The following PICALM variants were observed in gnomAD, a reference collection of about 807,000 sequenced individuals.
The protein encoded by PICALM is phosphatidylinositol binding clathrin assembly protein.
A neutral mutation model predicts 80.5 loss-of-function variants in PICALM; 40 were observed. The ratio of observed to expected loss-of-function variants is 0.50; its 90% CI spans 0.39 to 0.65. The LOEUF (loss-of-function observed/expected upper bound fraction) is 0.65, where lower values mean the gene tolerates loss of function less well. Among genes scored for constraint, PICALM ranks in the 30% least tolerant of loss-of-function variants. The pLI, the probability that PICALM is intolerant of heterozygous loss-of-function variation, is 0.00. For synonymous variants in PICALM, 288 were observed against 260.3 expected (o/e 1.11, Z -1.02); for missense variants, 676 against 778.9 (o/e 0.87, Z 1.57).
chr11:86,027,179 A>T (rs2095661489), intron 2 of PICALM, among the ~76,000 whole-genome samples: 1 of 152,188 alleles, frequency 6.6e-6, no homozygotes, highest in Admixed American at 6.5e-5. Flanking sequence ...TATTATTAAC[A>T]AAGTTGTATT....
intron 16 of PICALM, 68 bp from the exon 17 acceptor site, chr11:85,981,296 T>C (rs376533616): frequency 7.2e-6 from 7 of 966,132 alleles, no homozygotes; most frequent in Admixed American, 3.6e-5. Flanking sequence ...TATATACTTA[T>C]ATAGAACAGA....
In PICALM at chr11:86,049,267, A is replaced by G. The variant is rs148226331; in HGVS notation, c.131-17656T>C. 4.0e-3 allele frequency among the ~76,000 whole-genome samples: 614 copies of G among 152,306 alleles called. 5 individuals carry two copies. The highest frequency in any genetic ancestry group is 0.014 in the African/African-American group (586 of 41,564). On this transcript the variant is annotated intron_variant, in intron 1 of 19. Coordinates refer to ENST00000393346, the MANE Select transcript of PICALM (RefSeq NM_007166.4). ...CACTGCACTGCAGCCTGGGTGACAA[A>G]GCAAGACTGTCTCAAAAAAACAAAC...
At chr11:85,997,643 G>T (rs578155043) in intron 11 of PICALM, among the ~76,000 whole-genome samples, 18 of 152,268 alleles carry the variant, frequency 1.2e-4, no homozygotes, top group Middle Eastern at 3.4e-3. Context: ...GCTAATTTTT[G>T]TATTTTTAAT....
chr11:86,057,916 C>T (rs1375589165), intron 1 of PICALM, among the ~76,000 whole-genome samples: 2 of 152,140 alleles, frequency 1.3e-5, no homozygotes, highest in Non-Finnish European at 2.9e-5. Flanking sequence ...AACCAATCCC[C>T]TATAGATACT....
At chr11:85,987,306 C>T (rs2094602414) in intron 13 of PICALM, among the ~76,000 whole-genome samples, 1 of 152,234 alleles carries the variant, frequency 6.6e-6, no homozygotes, top group South Asian at 2.1e-4. Flanking sequence ...AGCATCAGAA[C>T]CAAGACTTGA....
At chr11:86,051,441 A>T (rs993266038) in intron 1 of PICALM, among the ~76,000 whole-genome samples, 5 of 152,110 alleles carry the variant, frequency 3.3e-5, no homozygotes, top group Admixed American at 6.6e-5. Flanking sequence ...TGGGCGGATC[A>T]CTTGAAGTCA....
chr11:85,960,088 TAA>T (rs1012901721), intron 19 of PICALM, among the ~76,000 whole-genome samples: 4 of 152,220 alleles, frequency 2.6e-5, no homozygotes, highest in Non-Finnish European at 5.9e-5. Flanking sequence ...AATATTATAC[TAA>T]GTCTTTTTAT....
At position 85,996,727 on chromosome 11, in the gene PICALM, C is replaced by A. The variant is rs563950921; in HGVS notation, c.1258+99G>T. On this transcript the variant is annotated intron_variant, in intron 12 of 19. Transcript: ENST00000393346. ...GCCATTTTAATACTTATCAAGTTCT[C>A]ATGTATCAAGTGTAATAAAAAACTA... The A allele has an allele frequency of 9.9e-4, 720 of 724,544 alleles. 1 individual carries two copies. The highest frequency in any genetic ancestry group is 1.2e-3 in the Non-Finnish European group (498 of 413,114). The allele number at this position is 724,544 out of a possible 1,614,324, so 44.9% of individuals were successfully genotyped here.
intron 1 of PICALM, among the ~76,000 whole-genome samples, chr11:86,045,890 G>A (rs887447556): frequency 1.1e-4 from 16 of 152,022 alleles, no homozygotes; most frequent in African/African-American, 2.7e-4. Context: ...GATGCCAAAC[G>A]ATCTTCAAAT....
intron 1 of PICALM, among the ~76,000 whole-genome samples, chr11:86,046,377 C>T (rs2096071900): frequency 6.6e-6 from 1 of 152,220 alleles, no homozygotes; most frequent in African/African-American, 2.4e-5. Flanking sequence ...TCCATTTCAA[C>T]ATTTAAAAAA....
chr11:85,960,789 G>T (rs767420959), intron 19 of PICALM: 22 of 1,201,498 alleles, frequency 1.8e-5, no homozygotes, highest in Non-Finnish European at 2.2e-5. Context: ...TGGGGGAAAA[G>T]AAGACAGAGA....
At chr11:86,052,277 G>T (rs12270433) in intron 1 of PICALM, among the ~76,000 whole-genome samples, 25,536 of 152,082 alleles carry the variant, frequency 0.17, 2,633 homozygotes, top group Middle Eastern at 0.24. Flanking sequence ...TGCCATAATT[G>T]TAAGTTTCCT....
Position 86,003,426 on chromosome 11 carries a change from A to G in PICALM, c.833T>C (p.Leu278Ser). Residue 278 changes from leucine (L) to serine (S), a missense_variant, in exon 9 of 20, where the codon TTG becomes TCG. By Grantham distance (145) the Leu-to-Ser change is moderately radical (BLOSUM62 -2). Coordinates refer to ENST00000393346, the MANE Select transcript of PICALM (RefSeq NM_007166.4). ...TTCCAAGGAAGCTAAATGTTGTTCC[A>G]AAGCATCAAGAAGACTGCTAGGGGC... is the stretch of plus-strand genomic sequence containing the variant. ...SQAPSSLLDA[L>S]EQHLASLEGK... 6.2e-7 allele frequency: 1 copy of G among 1,600,840 alleles called. No homozygotes were observed. Among genetic ancestry groups the G allele is most frequent in the Non-Finnish European group, 8.5e-7 (1 of 1,170,262 alleles).
chr11:86,036,593 T>C (rs777934682), intron 1 of PICALM, among the ~76,000 whole-genome samples: 2 of 152,160 alleles, frequency 1.3e-5, no homozygotes, highest in African/African-American at 2.4e-5. Context: ...TTTAGAACAA[T>C]ACTAATGAAG....
At chr11:85,960,344 AGT>A (rs1211005482) in intron 19 of PICALM, among the ~76,000 whole-genome samples, 2 of 152,228 alleles carry the variant, frequency 1.3e-5, no homozygotes, top group Non-Finnish European at 2.9e-5. Context: ...AAACAGAGGC[AGT>A]GTGGATCATA....
Position 86,043,266 on chromosome 11 carries a change from C to G in PICALM, c.131-11655G>C, listed in dbSNP as rs568595726. On this transcript the variant is annotated intron_variant, in intron 1 of 19. Transcript: ENST00000393346. ...TTAGCCTCCTTAAAACACAAACATG[C>G]TTCTATTCTGCCTACTTTGCCCTCT... is the stretch of plus-strand genomic sequence containing the variant. Among the ~76,000 whole-genome samples the G allele has an allele frequency of 2.6e-4, 40 of 152,314 alleles. 1 individual carries two copies. Among genetic ancestry groups the G allele is most frequent in the African/African-American group, 9.4e-4 (39 of 41,584 alleles).
intron 5 of PICALM, 118 bp from the exon 6 acceptor site, chr11:86,012,510 TAC>T: frequency 1.7e-6 from 1 of 596,102 alleles, no homozygotes. Context: ...TAGTGAAAAA[TAC>T]ATTTATTTTC....
chr11:86,048,275 T>G (rs1177671132), intron 1 of PICALM, among the ~76,000 whole-genome samples: 1 of 152,184 alleles, frequency 6.6e-6, no homozygotes, highest in East Asian at 1.9e-4. Flanking sequence ...TATGGCTGTT[T>G]TTCATTGCCA....
chr11:85,989,755 G>C (rs1399602349), intron 13 of PICALM, among the ~76,000 whole-genome samples: 3 of 151,870 alleles, frequency 2.0e-5, no homozygotes, highest in Admixed American at 6.6e-5. Flanking sequence ...TGGGATAAAA[G>C]ATATGCATAG....
Sources: allele counts gnomAD v4.1 joint callset (sites outside exome capture counted in the v4.1 genomes callset), GRCh38; gene constraint gnomAD v4.1.1; transcripts MANE v1.5; gene names NCBI Gene and HGNC (gene_info 2026-07-23, HGNC 2026-07-21).